Variants in GRIK2 observed in about 807,000 individuals in gnomAD.
GRIK2 encodes the protein glutamate receptor ionotropic, kainate 2.
A neutral mutation model predicts 100.3 loss-of-function variants in GRIK2; 32 were observed. The observed-to-expected ratio is 0.32, with a 90% CI of 0.24 to 0.43. GRIK2 has a LOEUF of 0.43. Among genes scored for constraint, GRIK2 ranks in the 20% least tolerant of loss-of-function variants. The pLI is 1.00. For synonymous variants in GRIK2, 417 were observed against 389.4 expected (o/e 1.07, Z -0.83); for missense variants, 843 against 1,114.9 (o/e 0.76, Z 3.47).
intron 12 of GRIK2, chr6:101,890,154 TC>T (rs1441266997): frequency 4.3e-6 from 1 of 233,836 alleles, no homozygotes; most frequent in Non-Finnish European, 8.2e-6. Context: ...AATCATTGCC[TC>T]ACTTCGAAGA....
At chr6:101,736,321 C>G (rs994514562) in intron 7 of GRIK2, among the ~76,000 whole-genome samples, 1 of 152,214 alleles carries the variant, frequency 6.6e-6, no homozygotes, top group Non-Finnish European at 1.5e-5. Context: ...AGTAGGGGCT[C>G]TGTGTGGATG....
intron 7 of GRIK2, among the ~76,000 whole-genome samples, chr6:101,761,894 CTTCTT>C (rs555829880): frequency 1.3e-4 from 16 of 126,792 alleles, no homozygotes; most frequent in African/African-American, 4.2e-4. Context: ...TCCTTCCTCC[CTTCTT>C]TTCTTTTCTT....
At chr6:101,420,190 A>G (rs956123974) in intron 2 of GRIK2, among the ~76,000 whole-genome samples, 6 of 152,214 alleles carry the variant, frequency 3.9e-5, no homozygotes, top group African/African-American at 1.4e-4. Context: ...ATACAGAAAG[A>G]TAAGTTATTT....
intron 2 of GRIK2, among the ~76,000 whole-genome samples, chr6:101,401,728 G>T (rs1166103972): frequency 6.6e-6 from 1 of 152,190 alleles, no homozygotes; most frequent in Non-Finnish European, 1.5e-5. Flanking sequence ...TTGGATGGTT[G>T]GTTGAGCACG....
In GRIK2 at chr6:101,818,439, A is replaced by T. The variant is rs199786854; in HGVS notation, c.1273A>T (p.Thr425Ser). The T allele has an allele frequency of 4.3e-6, 7 of 1,611,162 alleles. No homozygotes were observed. The highest frequency in any genetic ancestry group is 5.9e-6 in the Non-Finnish European group (7 of 1,177,540). The change falls in exon 10 of 17, where the codon ACA (threonine) becomes TCA (serine). Residue 425 changes from threonine (T) to serine (S), a missense_variant. Thr to Ser is a moderately conservative substitution (Grantham distance 58). Coordinates refer to ENST00000369134, the MANE Select transcript of GRIK2 (RefSeq NM_021956.5). The stretch of plus-strand genomic sequence containing the variant: ...TCAAAAGGGAAAGCCAGCGAACATC[A>T]CAGATTCCTTATCCAATCGTTCTTT... Reference protein sequence around the residue: ...ESQKGKPANITDSLSNRSLIV... With the variant: ...ESQKGKPANISDSLSNRSLIV...
Position 101,523,519 on chromosome 6 carries a change from T to C in GRIK2, c.116-98430T>C, listed in dbSNP as rs11962294. Among the ~76,000 whole-genome samples the C allele has an allele frequency of 7.9e-3, 1,210 of 152,256 alleles. 16 individuals are homozygous for C. The highest frequency in any genetic ancestry group is 0.028 in the African/African-American group (1,147 of 41,540). ...GCTAGGAATATCCAGGAAAATTTTA[T>C]GAATGAAGTAACATTTGATCTGGGC... On this transcript the variant is annotated intron_variant, in intron 2 of 16. Transcript: ENST00000369134.
chr6:101,682,043 T>G (rs991211233), intron 5 of GRIK2, among the ~76,000 whole-genome samples: 1 of 152,186 alleles, frequency 6.6e-6, no homozygotes, highest in African/African-American at 2.4e-5. Context: ...AAACATTTCT[T>G]TAATTATATG....
Position 102,035,399 on chromosome 6 carries a change from C to T in GRIK2, c.2144C>T (p.Ser715Leu). 2 of 1,609,092 alleles carry T rather than the reference C, an allele frequency of 1.2e-6. No homozygotes were observed. Among genetic ancestry groups the T allele is most frequent in the Non-Finnish European group, 1.7e-6 (2 of 1,176,616 alleles). Residue 715 changes from serine (S) to leucine (L), a missense_variant, in exon 15 of 17, where the codon TCA becomes TTA. Ser to Leu is a moderately radical substitution (Grantham distance 145). Transcript: ENST00000369134. ...GCCTTTATGAGTAGCAGAAGGCAGT[C>T]AGTGCTGGTCAAAAGTAATGAAGAA... Reference protein sequence around the residue: ...MWAFMSSRRQSVLVKSNEEGI... With the variant: ...MWAFMSSRRQLVLVKSNEEGI...
chr6:101,921,142 A>T (rs1045533190), intron 12 of GRIK2, among the ~76,000 whole-genome samples: 5 of 152,122 alleles, frequency 3.3e-5, no homozygotes, highest in African/African-American at 1.2e-4. Flanking sequence ...GAGGCAAAGA[A>T]ATATAAAGAA....
chr6:101,680,464 C>T (rs902083562), intron 5 of GRIK2, among the ~76,000 whole-genome samples: 11 of 152,140 alleles, frequency 7.2e-5, no homozygotes, highest in African/African-American at 2.7e-4. Flanking sequence ...CTTTGTTGGA[C>T]AGTTTATTCA....
intron 12 of GRIK2, chr6:101,890,413 A>G (rs1210214520): frequency 6.6e-6 from 1 of 152,240 alleles, no homozygotes; most frequent in Non-Finnish European, 1.5e-5. Flanking sequence ...CATGTAGGGT[A>G]TGTTTCAAGT....
intron 14 of GRIK2, among the ~76,000 whole-genome samples, chr6:102,026,291 AGATGAGT>A (rs1201399237): frequency 6.6e-6 from 1 of 150,598 alleles, no homozygotes; most frequent in Non-Finnish European, 1.5e-5. Flanking sequence ...AAATGGCTTT[AGATGAGT>A]TTTCTCATTT....
intron 7 of GRIK2, among the ~76,000 whole-genome samples, chr6:101,711,245 TA>T: frequency 6.6e-6 from 1 of 151,972 alleles, no homozygotes; most frequent in East Asian, 1.9e-4. Context: ...AAACATTATT[TA>T]AAACAAATGC....
intron 2 of GRIK2, among the ~76,000 whole-genome samples, chr6:101,610,563 G>A (rs905336407): frequency 2.0e-5 from 3 of 151,650 alleles, no homozygotes; most frequent in Admixed American, 6.6e-5. Context: ...CAAAAGACTG[G>A]CATTTAACCA....
At chr6:102,006,753 T>C (rs1795263096) in intron 14 of GRIK2, among the ~76,000 whole-genome samples, 1 of 151,996 alleles carries the variant, frequency 6.6e-6, no homozygotes, top group African/African-American at 2.4e-5. Context: ...GGCATGTTTA[T>C]GGAATAATGT....
chr6:101,612,864 T>C (rs139551107), intron 2 of GRIK2, among the ~76,000 whole-genome samples: 393 of 151,560 alleles, frequency 2.6e-3, no homozygotes, highest in Middle Eastern at 0.01. Flanking sequence ...AGTGGTTTAA[T>C]ATGGCTGTAT....
chr6:101,623,695 A>T (rs1352747137), intron 3 of GRIK2, among the ~76,000 whole-genome samples: 2 of 152,146 alleles, frequency 1.3e-5, no homozygotes, highest in Non-Finnish European at 2.9e-5. Flanking sequence ...TGGTTTGACC[A>T]AAATATTATA....
intron 14 of GRIK2, among the ~76,000 whole-genome samples, chr6:101,969,752 A>AT (rs2050708981): frequency 6.6e-6 from 1 of 152,006 alleles, no homozygotes; most frequent in Non-Finnish European, 1.5e-5. Flanking sequence ...TGTGTCTTAG[A>AT]TAAGTCCACA....
At chr6:101,651,604 G>A (rs896300840) in intron 4 of GRIK2, among the ~76,000 whole-genome samples, 11 of 152,268 alleles carry the variant, frequency 7.2e-5, no homozygotes, top group African/African-American at 2.6e-4. Context: ...TAAATAGGGT[G>A]GTCATGGGGG....
Sources: allele counts gnomAD v4.1 joint callset (sites outside exome capture counted in the v4.1 genomes callset), GRCh38; gene constraint gnomAD v4.1.1; transcripts MANE v1.5; gene names NCBI Gene and HGNC (gene_info 2026-07-23, HGNC 2026-07-21).